The following PLEKHB2 variants were observed in gnomAD, a reference collection of about 807,000 sequenced individuals.
PLEKHB2 encodes pleckstrin homology domain-containing family B member 2.
PLEKHB2 carries 31 observed loss-of-function variants against 36.5 expected under a neutral mutation model. The ratio of observed to expected loss-of-function variants is 0.85; its 90% CI spans 0.64 to 1.15. The LOEUF is 1.15. PLEKHB2 is among the 50% of genes most tolerant of loss of function. The probability of loss-of-function intolerance (pLI) is 0.00; values close to 1 mark genes in which losing one functional copy is unlikely to be tolerated. For synonymous variants in PLEKHB2, 119 were observed against 112.0 expected, an observed-to-expected ratio of 1.06 and a Z score of -0.39; for missense variants, 262 against 295.3, an observed-to-expected ratio of 0.89 and a Z score of 0.83.
At chr2:131,116,804 C>T (rs1356966044) in intron 1 of PLEKHB2, among the ~76,000 whole-genome samples, 1 of 152,174 alleles carries the variant, frequency 6.6e-6, no homozygotes, top group Admixed American at 6.5e-5. Context: ...ATCTCAGGAT[C>T]CTTAAGGTTT....
chr2:131,146,874 T>G lies in PLEKHB2; in HGVS notation c.*101T>G. The G allele has an allele frequency of 1.0e-6, 1 of 990,118 alleles. No individual in the cohort carries two copies. The highest frequency in any genetic ancestry group is 1.8e-5 in the South Asian group (1 of 55,080). The allele number at this position is 990,118 out of a possible 1,614,324, so 61.3% of individuals were successfully genotyped here. On this transcript the variant is annotated 3_prime_UTR_variant, in exon 8 of 8. Transcript: ENST00000693505. ...TGTGACAAAAGTTTTTAATAATAGT[T>G]TTAATCATTCCTTTGAAAGTAGTGA...
intron 6 of PLEKHB2, among the ~76,000 whole-genome samples, chr2:131,133,559 A>G (rs1001653828): frequency 1.5e-4 from 23 of 152,218 alleles, no homozygotes; most frequent in African/African-American, 5.5e-4. Context: ...ATTCGATCAA[A>G]TTAAACCCAG....
At chr2:131,110,305 C>T (rs1392677501) in intron 1 of PLEKHB2, among the ~76,000 whole-genome samples, 1 of 151,446 alleles carries the variant, frequency 6.6e-6, no homozygotes, top group Non-Finnish European at 1.5e-5. Context: ...CGGTCCTGCT[C>T]CAGTCTGGAC....
chr2:131,126,009 A>T (rs914661071), intron 3 of PLEKHB2, 104 bp downstream of exon 3: 1 of 1,150,426 alleles, frequency 8.7e-7, no homozygotes, highest in African/African-American at 1.5e-5. Context: ...AACAGATTGA[A>T]GAAGGGCTCC....
chr2:131,134,844 A>C (rs1365396025), intron 6 of PLEKHB2, among the ~76,000 whole-genome samples: 1 of 152,220 alleles, frequency 6.6e-6, no homozygotes, highest in African/African-American at 2.4e-5. Flanking sequence ...TGAATCTTCC[A>C]GTTATAAACA....
intron 1 of PLEKHB2, among the ~76,000 whole-genome samples, chr2:131,114,187 G>C (rs528926090): frequency 6.6e-6 from 1 of 152,086 alleles, no homozygotes; most frequent in African/African-American, 2.4e-5. Flanking sequence ...GTGCAGTGGC[G>C]TGATCTCAGC....
intron 6 of PLEKHB2, among the ~76,000 whole-genome samples, chr2:131,136,207 TCTC>T (rs1259719166): frequency 1.9e-5 from 1 of 52,992 alleles, no homozygotes; most frequent in African/African-American, 7.7e-5. Context: ...GCCCGTCCCC[TCTC>T]CTCCTCTCCT....
intron 6 of PLEKHB2, among the ~76,000 whole-genome samples, chr2:131,137,868 T>G (rs1698420996): frequency 6.6e-6 from 1 of 152,034 alleles, no homozygotes; most frequent in Admixed American, 6.6e-5. Context: ...TCATTCAGCT[T>G]CTTGAATATA....
At chr2:131,145,496 A>AT (rs891409138) in intron 7 of PLEKHB2, among the ~76,000 whole-genome samples, 29 of 151,274 alleles carry the variant, frequency 1.9e-4, no homozygotes, top group Non-Finnish European at 3.4e-4. Flanking sequence ...CCCCTGGCTA[A>AT]TTTTTTTTTG....
At chr2:131,127,372 C>T (rs1224262477) in intron 4 of PLEKHB2, among the ~76,000 whole-genome samples, 1 of 152,208 alleles carries the variant, frequency 6.6e-6, no homozygotes, top group African/African-American at 2.4e-5. Context: ...CCTTCTTCGG[C>T]TGTGTCTGTG....
chr2:131,139,602 C>T (rs1698582303), intron 6 of PLEKHB2, among the ~76,000 whole-genome samples: 1 of 152,162 alleles, frequency 6.6e-6, no homozygotes, highest in Non-Finnish European at 1.5e-5. Context: ...CATTCACTGC[C>T]AGTGGAGGTG....
intron 1 of PLEKHB2, among the ~76,000 whole-genome samples, chr2:131,110,606 G>A (rs2104772343): frequency 1.3e-5 from 2 of 152,254 alleles, no homozygotes; most frequent in Middle Eastern, 6.8e-3. Context: ...CTCCTGGGCT[G>A]AAGCGATTCT....
intron 7 of PLEKHB2, among the ~76,000 whole-genome samples, chr2:131,142,273 CAG>C (rs1302726070): frequency 1.3e-5 from 2 of 152,182 alleles, no homozygotes; most frequent in Non-Finnish European, 2.9e-5. Flanking sequence ...TTAAATGAAA[CAG>C]TGTTATTTGA....
chr2:131,140,107 A>G (rs1002344312), intron 6 of PLEKHB2, 60 bp from the exon 7 acceptor site: 2 of 1,039,600 alleles, frequency 1.9e-6, no homozygotes, highest in Non-Finnish European at 2.9e-6. Flanking sequence ...GGAGACCACA[A>G]TTTTAATACA....
chr2:131,111,361 T>C (rs1695301612), intron 1 of PLEKHB2, among the ~76,000 whole-genome samples: 1 of 127,916 alleles, frequency 7.8e-6, no homozygotes, highest in Admixed American at 7.6e-5. Context: ...TCTCTTGGTC[T>C]TTTTTTTTTT....
intron 6 of PLEKHB2, among the ~76,000 whole-genome samples, chr2:131,139,758 C>T (rs937405914): frequency 2.0e-5 from 3 of 152,152 alleles, no homozygotes; most frequent in Non-Finnish European, 4.4e-5. Context: ...GAGAGGGTTC[C>T]GCTTCTAGGC....
chr2:131,140,028 C>G, intron 6 of PLEKHB2, 139 bp from the exon 7 acceptor site: 1 of 582,280 alleles, frequency 1.7e-6, no homozygotes, highest in Non-Finnish European at 3.1e-6. Context: ...AACGGGGGGC[C>G]TAACCACACT....
chr2:131,111,611 C>G lies in PLEKHB2; in HGVS notation c.-9+6213C>G, dbSNP rs183523104. Among the ~76,000 whole-genome samples, 518 of 151,638 alleles carry G rather than the reference C, an allele frequency of 3.4e-3. 2 individuals carry two copies. The highest frequency in any genetic ancestry group is 0.014 in the South Asian group (68 of 4,790). On this transcript the variant is annotated intron_variant, in intron 1 of 7. Transcript: ENST00000693505. ...GTTCACGCCATTCTCCTGCCTCAGCCTCCTGAGTAGCTGGGACTACAGGAG... is the reference window on the plus strand; with the variant it reads ...GTTCACGCCATTCTCCTGCCTCAGCGTCCTGAGTAGCTGGGACTACAGGAG...
At position 131,120,945 on chromosome 2, in the gene PLEKHB2, G is replaced by T. The variant is rs543453550; in HGVS notation, c.4G>T (p.Ala2Ser). 1.9e-6 allele frequency: 3 copies of T among 1,614,258 alleles called. No homozygotes were observed. The African/African-American group carries it at 4.0e-5, about 21-fold the overall frequency. The change falls in exon 2 of 8, where the codon GCG becomes TCG. Residue 2 changes from alanine (A) to serine (S), a missense_variant. Physicochemically the swap from Ala to Ser is moderately conservative, Grantham distance 99. Transcript: ENST00000693505. ...TTTTTGTTCTGTAGGTGAAGAGATG[G>T]CGTTTGTGAAGAGTGGCTGGTTGCT... M[A>S]FVKSGWLLRQ...
Sources: gnomAD v4.1 joint callset for allele counts (sites outside exome capture counted in the v4.1 genomes callset) on GRCh38, gnomAD v4.1.1 for gene constraint, MANE v1.5 for transcripts, NCBI Gene and HGNC (gene_info 2026-07-23, HGNC 2026-07-21) for gene names.